IGF2R: variants seen among roughly 807,000 people sequenced by gnomAD.
IGF2R encodes cation-independent mannose-6-phosphate receptor.
A neutral mutation model predicts 270.6 loss-of-function variants in IGF2R; 91 were observed. The ratio of observed to expected loss-of-function variants is 0.34; its 90% CI spans 0.28 to 0.40. IGF2R has a LOEUF of 0.40. Ranked by LOEUF, IGF2R falls within the 10% of genes least tolerant of loss-of-function variation. IGF2R has a pLI of 1.00. For synonymous variants in IGF2R, 1,316 were observed against 1,258.9 expected (o/e 1.05, Z -0.96); for missense variants, 2,805 against 3,188.3 (o/e 0.88, Z 2.90).
intron 41 of IGF2R, among the ~76,000 whole-genome samples, chr6:160,086,681 A>G (rs965406748): frequency 1.3e-5 from 2 of 152,216 alleles, no homozygotes; most frequent in Non-Finnish European, 2.9e-5. Flanking sequence ...AAAATTTTAC[A>G]CAGAAGCCCA....
chr6:160,095,630 C>G (rs1779339761), intron 44 of IGF2R: 1 of 152,240 alleles, frequency 6.6e-6, no homozygotes. Flanking sequence ...AACAAGAGGT[C>G]TGGCACTAGT....
chr6:160,094,239 A>G, intron 44 of IGF2R: 3 of 327,990 alleles, frequency 9.1e-6, no homozygotes, highest in South Asian at 7.7e-5. Flanking sequence ...TTCTTCATTT[A>G]TAAATATCGT....
At chr6:160,048,250 C>T (rs1344434034) in intron 17 of IGF2R, 125 bp from the exon 18 acceptor site, 1 of 924,150 alleles carries the variant, frequency 1.1e-6, no homozygotes, top group East Asian at 2.6e-5. Context: ...CAAGCCAACT[C>T]CTGGTAGTGT....
chr6:160,073,871 C>A lies in IGF2R; in HGVS notation c.5062C>A (p.Pro1688Thr). ...ESEDDASDTN[P>T]DFYINICQPL... Reference sequence around the variant, plus strand: ...TGAGGATGATGCCTCCGATACCAACCCTGATTTCTACATCAATATTTGTCA... The same window carrying A: ...TGAGGATGATGCCTCCGATACCAACACTGATTTCTACATCAATATTTGTCA... Residue 1688 changes from proline to threonine, a missense_variant, in exon 35 of 48, where the codon CCT (proline) becomes ACT (threonine). Transcript: ENST00000356956. 4 of 1,614,064 alleles carry A rather than the reference C, an allele frequency of 2.5e-6. No homozygotes were observed. Among genetic ancestry groups the A allele is most frequent in the Non-Finnish European group, 2.5e-6 (3 of 1,179,930 alleles).
chr6:160,089,240 G>C lies in IGF2R; in HGVS notation c.6454G>C (p.Asp2152His), dbSNP rs1158412972. 3.1e-6 allele frequency: 5 copies of C among 1,606,458 alleles called. No individual in the cohort carries two copies. In the Admixed American group the frequency reaches 8.5e-5, roughly 27 times the overall value. The change falls in exon 43 of 48, where the codon GAT (aspartate) becomes CAT (histidine). Residue 2152 changes from aspartate (D) to histidine (H), a missense_variant. Coordinates refer to ENST00000356956, the MANE Select transcript of IGF2R (RefSeq NM_000876.4). ...AAATGGCAAGAGCTTCAGCCTCGGA[G>C]ATATTTATTTTAAGTAAGTAAAACG... ...PINGKSFSLGDIYFKLFRASG... is the reference protein window; with the variant it reads ...PINGKSFSLGHIYFKLFRASG...
At chr6:160,062,874 G>C (rs191401814) in intron 26 of IGF2R, among the ~76,000 whole-genome samples, 142 of 151,818 alleles carry the variant, frequency 9.4e-4, no homozygotes, top group Non-Finnish European at 1.2e-3. Context: ...ACTAATGTGG[G>C]GTTTGGTTTT....
At chr6:160,058,819 G>A in intron 21 of IGF2R, 87 bp from the exon 22 acceptor site, 1 of 1,154,034 alleles carries the variant, frequency 8.7e-7, no homozygotes, top group East Asian at 2.4e-5. Flanking sequence ...GTTTAACCTA[G>A]TGGGATTTGG....
At chr6:159,985,443 A>G (rs1783866646) in intron 1 of IGF2R, among the ~76,000 whole-genome samples, 1 of 152,306 alleles carries the variant, frequency 6.6e-6, no homozygotes, top group Non-Finnish European at 1.5e-5. Context: ...GGAGGGTTGG[A>G]TAATGGCATC....
At chr6:159,990,927 C>T (rs114905852) in intron 1 of IGF2R, among the ~76,000 whole-genome samples, 2,211 of 152,314 alleles carry the variant, frequency 0.015, 70 homozygotes, top group African/African-American at 0.05. Flanking sequence ...CATGCCCAGC[C>T]AGATACTTCT....
At chr6:160,046,339 G>C (rs1057489347) in intron 14 of IGF2R, among the ~76,000 whole-genome samples, 159 bp from the exon 15 acceptor site, 4 of 152,166 alleles carry the variant, frequency 2.6e-5, no homozygotes, top group African/African-American at 9.7e-5. Context: ...TCGCGGTTCT[G>C]GTGGCCTCAA....
Position 160,102,453 on chromosome 6 carries a change from T to G in IGF2R, c.6843-66T>G. 6.4e-7 allele frequency: 1 copy of G among 1,556,304 alleles called. No homozygotes were observed. Among genetic ancestry groups the G allele is most frequent in the Non-Finnish European group, 8.8e-7 (1 of 1,139,034 alleles). On this transcript the variant is annotated intron_variant, in intron 45 of 47. Coordinates refer to ENST00000356956, the MANE Select transcript of IGF2R (RefSeq NM_000876.4). The surrounding 1 kb of genome is among the most constrained non-coding windows in gnomAD (Gnocchi z 4.5). ...TGCTCTTGCCTTGGGGACTCAGGTC[T>G]CAGGTTGTGGCTGTGGCAGCAGGAC...
intron 12 of IGF2R, among the ~76,000 whole-genome samples, 167 bp downstream of exon 12, chr6:160,043,455 T>G (rs1276301370): frequency 1.3e-5 from 2 of 152,222 alleles, no homozygotes; most frequent in African/African-American, 4.8e-5. Context: ...AATTGCTTGA[T>G]GCACTCTGGA....
At chr6:159,976,965 C>CT (rs1783704859) in intron 1 of IGF2R, among the ~76,000 whole-genome samples, 1 of 152,176 alleles carries the variant, frequency 6.6e-6, no homozygotes, top group Admixed American at 6.5e-5. Context: ...TTGTCTGTTG[C>CT]TTTTATTATT....
chr6:160,100,457 A>G (rs1306976471), intron 45 of IGF2R, among the ~76,000 whole-genome samples: 1 of 152,200 alleles, frequency 6.6e-6, no homozygotes, highest in Non-Finnish European at 1.5e-5. Flanking sequence ...CTAAACTTCC[A>G]TCTACCTAAT....
intron 6 of IGF2R, 130 bp from the exon 7 acceptor site, chr6:160,029,420 T>C (rs1429580245): frequency 3.4e-6 from 2 of 584,856 alleles, no homozygotes; most frequent in Non-Finnish European, 6.1e-6. Flanking sequence ...TATCTACTTT[T>C]ATATTTTAAT....
chr6:159,990,089 A>G (rs1783953207), intron 1 of IGF2R, among the ~76,000 whole-genome samples: 1 of 152,252 alleles, frequency 6.6e-6, no homozygotes, highest in Non-Finnish European at 1.5e-5. Context: ...GTAAAAGCAG[A>G]AGTGGAGCTG....
chr6:160,035,005 G>C (rs1474687970), intron 10 of IGF2R, among the ~76,000 whole-genome samples: 11 of 152,200 alleles, frequency 7.2e-5, no homozygotes, highest in Non-Finnish European at 1.5e-5. Flanking sequence ...CTGAAGGCGT[G>C]CATTTCTCTG....
At chr6:160,103,072 C>T (rs1337927067) in intron 46 of IGF2R, among the ~76,000 whole-genome samples, 3 of 152,146 alleles carry the variant, frequency 2.0e-5, no homozygotes, top group Non-Finnish European at 4.4e-5. Flanking sequence ...CCTTTTGCGC[C>T]ACTTTGCTGG....
At chr6:160,057,333 C>T (rs1583283510) in intron 20 of IGF2R, among the ~76,000 whole-genome samples, 1 of 152,248 alleles carries the variant, frequency 6.6e-6, no homozygotes, top group African/African-American at 2.4e-5. Flanking sequence ...GTTGTTTTCA[C>T]AGCACCGTGT....
Sources: allele counts gnomAD v4.1 joint callset (sites outside exome capture counted in the v4.1 genomes callset), GRCh38; gene constraint gnomAD v4.1.1; non-coding constraint Gnocchi (gnomAD v3.1); transcripts MANE v1.5; gene names NCBI Gene and HGNC (gene_info 2026-07-23, HGNC 2026-07-21).